WDPCP: variants seen among roughly 807,000 people sequenced by gnomAD.
The protein encoded by WDPCP is WD repeat-containing and planar cell polarity effector protein fritz homolog.
Under a neutral mutation model 93.1 loss-of-function variants are expected in WDPCP, and 71 were observed. That is an observed-to-expected ratio of 0.76 (90% CI 0.63 to 0.93). WDPCP has a LOEUF of 0.93. Ranked by LOEUF, WDPCP falls within the 40% of genes least tolerant of loss-of-function variation. WDPCP has a pLI of 0.00. For synonymous variants in WDPCP, 315 were observed against 315.0 expected, an observed-to-expected ratio of 1.00 and a Z score of 0.00; for missense variants, 844 against 887.4, an observed-to-expected ratio of 0.95 and a Z score of 0.62.
chr2:63,166,153 G>A (rs1369600984), intron 15 of WDPCP, among the ~76,000 whole-genome samples: 7 of 151,220 alleles, frequency 4.6e-5, no homozygotes, highest in African/African-American at 1.2e-4. Flanking sequence ...TGCAACCTCC[G>A]CCTCTCGGGT....
At chr2:63,606,084 T>A in intron 3 of WDPCP, 1 of 1,473,510 alleles carries the variant, frequency 6.8e-7, no homozygotes, top group Non-Finnish European at 9.5e-7. Flanking sequence ...ATGTTTCTCT[T>A]AAGAATGGTA....
chr2:63,341,569 A>C (rs1384047766), intron 12 of WDPCP, among the ~76,000 whole-genome samples: 1 of 152,202 alleles, frequency 6.6e-6, no homozygotes, highest in Non-Finnish European at 1.5e-5. Context: ...GCATTGTTCA[A>C]ACCCTCAATT....
intron 1 of WDPCP, among the ~76,000 whole-genome samples, chr2:63,569,788 G>A (rs151251197): frequency 6.6e-6 from 1 of 152,282 alleles, no homozygotes; most frequent in African/African-American, 2.4e-5. Context: ...TATCCTGGTA[G>A]ATGGGGCTAG....
rs188999837 is a variant in WDPCP, at chr2:63,701,904, C to T, written n.309-51066G>A. On this transcript the variant is annotated intron_variant and non_coding_transcript_variant, in intron 2 of 4. Transcript: ENST00000467687. ...GACTAATGGGTACAAATATACAGTT[C>T]GATAGAAGAAATAAAACCTAGTGTT... is the stretch of plus-strand genomic sequence containing the variant. Among the ~76,000 whole-genome samples, 491 of 151,878 alleles carry T rather than the reference C, an allele frequency of 3.2e-3. 33 individuals are homozygous for T. In the South Asian group the frequency reaches 0.085, roughly 26 times the overall value.
chr2:63,197,407 G>A (rs767238666), intron 14 of WDPCP, among the ~76,000 whole-genome samples: 14 of 152,126 alleles, frequency 9.2e-5, no homozygotes, highest in South Asian at 2.1e-4. Flanking sequence ...CTTTGGTAAA[G>A]TCAGAAGTTA....
chr2:63,148,507 A>ATTTGTT (rs576997604), intron 17 of WDPCP, among the ~76,000 whole-genome samples: 108 of 151,766 alleles, frequency 7.1e-4, no homozygotes, highest in African/African-American at 2.1e-3. Context: ...GCCAGCTAAT[A>ATTTGTT]TTTGTTTTTG....
chr2:63,374,952 A>G (rs1373582549), intron 12 of WDPCP, among the ~76,000 whole-genome samples: 1 of 152,128 alleles, frequency 6.6e-6, no homozygotes, highest in African/African-American at 2.4e-5. Flanking sequence ...TCTAGGCAAT[A>G]AATCTCAAAT....
chr2:63,534,496 A>C (rs1369394775), intron 1 of WDPCP, among the ~76,000 whole-genome samples: 3 of 152,234 alleles, frequency 2.0e-5, no homozygotes, highest in Admixed American at 6.5e-5. Flanking sequence ...GCAGCACATC[A>C]AAAAGCTTAT....
At chr2:63,569,476 A>G (rs1707317656) in intron 1 of WDPCP, among the ~76,000 whole-genome samples, 6 of 152,202 alleles carry the variant, frequency 3.9e-5, no homozygotes, top group Non-Finnish European at 8.8e-5. Context: ...TATGTCACCA[A>G]TGCAAAAAAG....
intron 14 of WDPCP, among the ~76,000 whole-genome samples, chr2:63,187,934 T>C (rs1674762810): frequency 6.6e-6 from 1 of 152,230 alleles, no homozygotes; most frequent in Admixed American, 6.5e-5. Context: ...GGTCTTCATT[T>C]CTTCTTCATT....
In WDPCP at chr2:63,267,479, A is replaced by G. The variant is rs191432140; in HGVS notation, c.1813-8070T>C. ...GCACAAGCAGCAAAAGCAAAAATAGATAAATGAGACTGCAATGAATGAAAA... is the reference window on the plus strand; with the variant it reads ...GCACAAGCAGCAAAAGCAAAAATAGGTAAATGAGACTGCAATGAATGAAAA... On this transcript the variant is annotated intron_variant, in intron 13 of 17. Transcript: ENST00000272321. Among the ~76,000 whole-genome samples, 43 of 152,360 alleles carry G rather than the reference A, an allele frequency of 2.8e-4. No homozygotes were observed. The East Asian group carries it at 7.9e-3, about 28-fold the overall frequency.
chr2:63,651,621 G>A (rs1168106421), intron 2 of WDPCP, among the ~76,000 whole-genome samples: 1 of 152,154 alleles, frequency 6.6e-6, no homozygotes, highest in African/African-American at 2.4e-5. Context: ...ATTTCTTCTT[G>A]GGTAAACCTC....
At position 63,484,959 on chromosome 2, in the gene WDPCP, G is replaced by A. The variant is rs1700479284; in HGVS notation, c.282C>T (p.Asn94=). 1.2e-6 allele frequency: 2 copies of A among 1,612,424 alleles called. No individual in the cohort carries two copies. Among genetic ancestry groups the A allele is most frequent in the Admixed American group, 1.7e-5 (1 of 59,768 alleles). The change falls in exon 5 of 18, where the codon AAC becomes AAT. Residue 94 remains asparagine, a synonymous_variant. Transcript: ENST00000272321. ...AGTCTCGGAGTTTTTCTGGGCGTCT[G>A]TTTTTGAGCGTCCAAGGATAATCTC... ...ESRDYPWTLK[N]RRPEKLRDSL... is the part of the protein sequence containing the mutation.
intron 6 of WDPCP, among the ~76,000 whole-genome samples, chr2:63,447,754 T>C (rs777225820): frequency 5.9e-5 from 9 of 152,248 alleles, no homozygotes; most frequent in East Asian, 1.9e-4. Context: ...ATATAGATCA[T>C]TGACAGATGG....
chr2:63,521,389 G>A (rs1164702179), intron 1 of WDPCP, among the ~76,000 whole-genome samples: 1 of 152,050 alleles, frequency 6.6e-6, no homozygotes, highest in Non-Finnish European at 1.5e-5. Flanking sequence ...GAAAACAGAA[G>A]AAAGCAGGGG....
Position 63,352,527 on chromosome 2 carries a change from A to T in WDPCP, c.1748+25859T>A, listed in dbSNP as rs775362665. 1.3e-4 allele frequency among the ~76,000 whole-genome samples: 20 copies of T among 152,342 alleles called. 1 individual carries two copies. Among genetic ancestry groups the T allele is most frequent in the Middle Eastern group, 6.8e-3 (2 of 294 alleles). ...TAACTTAGTAGTATGATAAAATATA[A>T]ACTAAATGGATATTTAACTGAATCA... On this transcript the variant is annotated intron_variant, in intron 12 of 17. Transcript: ENST00000272321.
intron 17 of WDPCP, among the ~76,000 whole-genome samples, chr2:63,145,344 A>G (rs115347511): frequency 0.02 from 2,985 of 151,492 alleles, 105 homozygotes; most frequent in African/African-American, 0.069. Flanking sequence ...TTTGTCTTCT[A>G]CTACCAGGGT....
At chr2:63,733,224 G>A (rs910062998) in intron 2 of WDPCP, among the ~76,000 whole-genome samples, 7 of 113,832 alleles carry the variant, frequency 6.1e-5, no homozygotes, top group African/African-American at 7.0e-5. Flanking sequence ...ACGGAGTCTC[G>A]CTCTGTCGCC....
rs35964937 is a variant in WDPCP, at chr2:63,377,793, G to GTA, written c.1748+591_1748+592dup. On this transcript the variant is annotated intron_variant, in intron 12 of 17. Coordinates refer to ENST00000272321, the MANE Select transcript of WDPCP (RefSeq NM_015910.7). ...ATTAATCCTGCTTTCTGAACTTCAT[G>GTA]TATATATATATATATATACATGCTA... The GTA allele has an allele frequency of 9.3e-3, 1,385 of 149,264 alleles. 12 individuals are homozygous for GTA. Among genetic ancestry groups the GTA allele is most frequent in the Middle Eastern group, 0.091 (26 of 286 alleles). The allele number at this position is 149,264 out of a possible 1,614,324, so 9.2% of individuals were successfully genotyped here.
Sources: allele counts gnomAD v4.1 joint callset (sites outside exome capture counted in the v4.1 genomes callset), GRCh38; gene constraint gnomAD v4.1.1; transcripts MANE v1.5; gene names NCBI Gene and HGNC (gene_info 2026-07-23, HGNC 2026-07-21).